The following FGD6 variants were observed in gnomAD, a reference collection of about 807,000 sequenced individuals.
The protein encoded by FGD6 is FYVE, RhoGEF and PH domain-containing protein 6.
Under a neutral mutation model 149.4 loss-of-function variants are expected in FGD6, and 90 were observed. That is an observed-to-expected ratio of 0.60 (90% CI 0.51 to 0.72). FGD6 has a LOEUF of 0.72. Ranked by LOEUF, FGD6 falls within the 30% of genes least tolerant of loss-of-function variation. FGD6 has a pLI of 0.00. For synonymous variants in FGD6, 527 were observed against 584.0 expected (o/e 0.90, Z 1.41); for missense variants, 1,437 against 1,684.8 (o/e 0.85, Z 2.57).
intron 2 of FGD6, among the ~76,000 whole-genome samples, chr12:95,179,436 T>C (rs1237819107): frequency 6.6e-6 from 1 of 151,552 alleles, no homozygotes; most frequent in Non-Finnish European, 1.5e-5. Context: ...GCCCAAGAGG[T>C]CGAGGCTGCC....
chr12:95,208,994 G>C lies in FGD6; in HGVS notation c.2290C>G (p.Pro764Ala). 6.2e-7 allele frequency: 1 copy of C among 1,614,042 alleles called. No homozygotes were observed. The highest frequency in any genetic ancestry group is 8.5e-7 in the Non-Finnish European group (1 of 1,180,014). ...GTTTTCCGTATAGCCATAATAAATG[G>C]CAAGTTCTCGTACTCTGGTATTTCC... The part of the protein sequence containing the change: ...YEEIPEYENL[P>A]FIMAIRKTQE... Residue 764 changes from proline (P) to alanine (A), a missense_variant, in exon 2 of 21, where the codon CCA becomes GCA. Pro to Ala is a conservative substitution (Grantham distance 27). Coordinates refer to ENST00000343958, the MANE Select transcript of FGD6 (RefSeq NM_018351.4).
At chr12:95,184,256 C>T (rs1036412295) in intron 2 of FGD6, among the ~76,000 whole-genome samples, 2 of 152,176 alleles carry the variant, frequency 1.3e-5, no homozygotes, top group African/African-American at 4.8e-5. Context: ...GAACTACAAT[C>T]ATATCTGGGA....
At chr12:95,099,901 C>T (rs919189751) in intron 14 of FGD6, among the ~76,000 whole-genome samples, 4 of 149,614 alleles carry the variant, frequency 2.7e-5, no homozygotes, top group Admixed American at 1.3e-4. Context: ...AGGCTCTCCC[C>T]GGAGTACTAG....
Position 95,210,452 on chromosome 12 carries a change from C to T in FGD6, c.832G>A (p.Gly278Arg). The T allele has an allele frequency of 6.2e-7, 1 of 1,614,078 alleles. No individual in the cohort carries two copies. The highest frequency in any genetic ancestry group is 1.1e-5 in the South Asian group (1 of 91,048). The change falls in exon 2 of 21, where the codon GGG becomes AGG. Residue 278 changes from glycine to arginine, a missense_variant. Physicochemically the swap from Gly to Arg is moderately radical, Grantham distance 125 (BLOSUM62 -2). Transcript: ENST00000343958. ...GAAGATATTAAAGTACTCCTTTTCCCATTTTCCAGAGCCTCTAGTTCAGAT... is the reference window on the plus strand; with the variant it reads ...GAAGATATTAAAGTACTCCTTTTCCTATTTTCCAGAGCCTCTAGTTCAGAT... ...QSSELEALEN[G>R]KRSTLISSDG...
chr12:95,158,054 G>A (rs1210002699), intron 3 of FGD6, among the ~76,000 whole-genome samples: 1 of 151,788 alleles, frequency 6.6e-6, no homozygotes, highest in Non-Finnish European at 1.5e-5. Context: ...GACCATGTTG[G>A]CCAGCATGGT....
Position 95,084,513 on chromosome 12 carries a change from GC to G in FGD6, c.4240del (p.Ala1414LeufsTer8). On this transcript the variant is annotated frameshift_variant, in exon 20 of 21. Transcript: ENST00000343958. LOFTEE classifies it high-confidence loss of function. Reference protein sequence around the residue: ...MLFYVFKAEDAHSAQKWIEAF... With the variant: ...MLFYVFKAEDXHSAQKWIEAF... ...GATTACTTACTTCTGAGCCGAATGA[GC>G]ATCCTCTGCTTTGAATACATAAAAT... 1 of 1,567,890 alleles carries G rather than the reference GC, an allele frequency of 6.4e-7. No individual in the cohort carries two copies. The highest frequency in any genetic ancestry group is 8.6e-7 in the Non-Finnish European group (1 of 1,164,304).
chr12:95,100,482 G>A (rs546273498), intron 14 of FGD6: 13 of 313,588 alleles, frequency 4.1e-5, no homozygotes, highest in African/African-American at 6.6e-5. Flanking sequence ...GCTTGCTGCC[G>A]TGGCTACACT....
chr12:95,217,315 T>G lies in FGD6; in HGVS notation c.-75A>C. On this transcript the variant is annotated 5_prime_UTR_variant, in exon 1 of 21. Transcript: ENST00000343958. ...CCCTTTCAGTCCATTGTTCCCACAGTTCGGGTAGGAGAGAAAAGCCCCCGC... is the reference window on the plus strand; with the variant it reads ...CCCTTTCAGTCCATTGTTCCCACAGGTCGGGTAGGAGAGAAAAGCCCCCGC... The G allele has an allele frequency of 6.5e-7, 1 of 1,532,764 alleles. No individual in the cohort carries two copies. The highest frequency in any genetic ancestry group is 1.2e-5 in the South Asian group (1 of 83,404). The allele number at this position is 1,532,764 out of a possible 1,614,324, so 94.9% of individuals were successfully genotyped here.
chr12:95,156,253 C>A (rs1350995850), intron 3 of FGD6, among the ~76,000 whole-genome samples: 2 of 152,182 alleles, frequency 1.3e-5, no homozygotes, highest in Non-Finnish European at 2.9e-5. Flanking sequence ...TATTTCTATT[C>A]TTTCAAAAGC....
intron 1 of FGD6, among the ~76,000 whole-genome samples, chr12:95,212,015 C>T (rs933279006): frequency 6.6e-6 from 1 of 152,046 alleles, no homozygotes; most frequent in African/African-American, 2.4e-5. Flanking sequence ...ATAGATAGAA[C>T]CCCAAAACAA....
At chr12:95,211,774 G>A (rs1041809285) in intron 1 of FGD6, among the ~76,000 whole-genome samples, 5 of 152,052 alleles carry the variant, frequency 3.3e-5, no homozygotes, top group East Asian at 1.9e-4. Flanking sequence ...TCCTGACCTC[G>A]TGATCCACCC....
intron 2 of FGD6, among the ~76,000 whole-genome samples, chr12:95,181,495 C>T (rs1449652833): frequency 6.6e-6 from 1 of 152,192 alleles, no homozygotes; most frequent in Non-Finnish European, 1.5e-5. Flanking sequence ...TAAATTGTTA[C>T]AAAAATGTCT....
intron 3 of FGD6, among the ~76,000 whole-genome samples, chr12:95,157,653 T>TGGA (rs2136275735): frequency 6.6e-6 from 1 of 152,088 alleles, no homozygotes; most frequent in South Asian, 2.1e-4. Flanking sequence ...GAAAATAATC[T>TGGA]TTAAATGGAT....
intron 3 of FGD6, among the ~76,000 whole-genome samples, chr12:95,155,248 C>G (rs527786663): frequency 6.1e-4 from 93 of 152,186 alleles, no homozygotes; most frequent in African/African-American, 1.9e-3. Context: ...GTAATCAGGC[C>G]GGGCGCACTG....
intron 8 of FGD6, among the ~76,000 whole-genome samples, chr12:95,133,926 G>A (rs1334321916): frequency 1.3e-5 from 2 of 152,164 alleles, no homozygotes; most frequent in East Asian, 1.9e-4. Context: ...CCTGATTACA[G>A]CAAGTTCCTT....
chr12:95,217,300 C>A lies in FGD6; in HGVS notation c.-60G>T. ...CCTCAATCCATCTTCCCCTTTCAGTCCATTGTTCCCACAGTTCGGGTAGGA... is the reference window on the plus strand; with the variant it reads ...CCTCAATCCATCTTCCCCTTTCAGTACATTGTTCCCACAGTTCGGGTAGGA... On this transcript the variant is annotated 5_prime_UTR_variant, in exon 1 of 21. Coordinates refer to ENST00000343958, the MANE Select transcript of FGD6 (RefSeq NM_018351.4). The A allele has an allele frequency of 6.4e-7, 1 of 1,566,902 alleles. No individual in the cohort carries two copies. The highest frequency in any genetic ancestry group is 8.7e-7 in the Non-Finnish European group (1 of 1,150,602).
chr12:95,190,607 A>G (rs1881560842), intron 2 of FGD6, among the ~76,000 whole-genome samples: 1 of 152,190 alleles, frequency 6.6e-6, no homozygotes, highest in South Asian at 2.1e-4. Context: ...GGCCGTACCC[A>G]TATGTTACAT....
chr12:95,164,776 T>C lies in FGD6; in HGVS notation c.2586+7824A>G, dbSNP rs866842392. The stretch of plus-strand genomic sequence containing the variant: ...AATTATTAAAAGGCCTCTTCTATCC[T>C]ACTCTAGAGTTCTAATAAAAAACAA... On this transcript the variant is annotated intron_variant, in intron 3 of 20. Coordinates refer to ENST00000343958, the MANE Select transcript of FGD6 (RefSeq NM_018351.4). Among the ~76,000 whole-genome samples, 11 of 152,242 alleles carry C rather than the reference T, an allele frequency of 7.2e-5. 1 individual carries two copies. The Middle Eastern group carries it at 0.017, about 235-fold the overall frequency.
At chr12:95,128,288 T>C (rs1204562919) in intron 8 of FGD6, among the ~76,000 whole-genome samples, 1 of 152,070 alleles carries the variant, frequency 6.6e-6, no homozygotes, top group Non-Finnish European at 1.5e-5. Context: ...CAGGGTGAAG[T>C]ACAACAGGCA....
Sources: gnomAD v4.1 joint callset for allele counts (sites outside exome capture counted in the v4.1 genomes callset) on GRCh38, gnomAD v4.1.1 for gene constraint, MANE v1.5 for transcripts, NCBI Gene and HGNC (gene_info 2026-07-23, HGNC 2026-07-21) for gene names.